The following TATDN1 variants were observed in gnomAD, a reference collection of about 807,000 sequenced individuals.
The protein encoded by TATDN1 is TatD DNase domain containing 1.
A neutral mutation model predicts 46.4 loss-of-function variants in TATDN1; 40 were observed. The observed-to-expected ratio is 0.86, with a 90% CI of 0.67 to 1.12. The LOEUF is 1.12. Ranked by LOEUF, TATDN1 falls within the 50% of genes most tolerant of loss-of-function variation. The pLI is 0.00. For missense variants in TATDN1, 326 were observed against 348.4 expected (o/e 0.94, Z 0.51); for synonymous variants, 95 against 105.6 (o/e 0.90, Z 0.62).
intron 1 of TATDN1, among the ~76,000 whole-genome samples, chr8:124,535,972 T>C (rs760854831): frequency 7.9e-5 from 12 of 152,272 alleles, no homozygotes; most frequent in East Asian, 1.9e-4. Flanking sequence ...CACCTCAACA[T>C]TGGAGAGCAA....
chr8:124,538,761 A>AGATGTTGAAAAC (rs1471336449), intron 1 of TATDN1, among the ~76,000 whole-genome samples: 1 of 152,176 alleles, frequency 6.6e-6, no homozygotes, highest in Admixed American at 6.5e-5. Context: ...AACTGAATAC[A>AGATGTTGAAAAC]TTACAGATGT....
In TATDN1 at chr8:124,488,561, C is replaced by T; in HGVS notation, c.*33G>A. On this transcript the variant is annotated 3_prime_UTR_variant, in exon 12 of 12. Coordinates refer to ENST00000276692, the MANE Select transcript of TATDN1 (RefSeq NM_032026.4). Reference sequence around the variant, plus strand: ...CAGGAAGTTTTACTATGAAATTTTACATACATGATGGAAAGTGGAAGACAT... The same window carrying T: ...CAGGAAGTTTTACTATGAAATTTTATATACATGATGGAAAGTGGAAGACAT... The T allele has an allele frequency of 2.6e-6, 3 of 1,138,182 alleles. No individual in the cohort carries two copies. Among genetic ancestry groups the T allele is most frequent in the African/African-American group, 1.6e-5 (1 of 63,688 alleles). The allele number at this position is 1,138,182 out of a possible 1,614,324, so 70.5% of individuals were successfully genotyped here. A position where few individuals can be genotyped will look rare whatever the true frequency, so the allele number is the denominator to read the frequency against.
Position 124,512,918 on chromosome 8 carries a change from C to CT in TATDN1, c.389+2827dup, listed in dbSNP as rs557807792. 2.7e-3 allele frequency among the ~76,000 whole-genome samples: 400 copies of CT among 149,280 alleles called. 1 individual carries two copies. Among genetic ancestry groups the CT allele is most frequent in the Admixed American group, 7.6e-3 (114 of 14,976 alleles). Reference sequence around the variant, plus strand: ...CAAAATGTGATTGTTACTAGTGTGTCTTTTTTTTTTCTTTTGAGCGGAATC... The same window carrying CT: ...CAAAATGTGATTGTTACTAGTGTGTCTTTTTTTTTTTCTTTTGAGCGGAATC... On this transcript the variant is annotated intron_variant, in intron 6 of 11. Transcript: ENST00000276692.
intron 8 of TATDN1, among the ~76,000 whole-genome samples, chr8:124,506,395 G>A (rs529828028): frequency 8.8e-4 from 133 of 151,046 alleles, no homozygotes; most frequent in African/African-American, 3.0e-3. Context: ...CAAATGGGCT[G>A]AGAGGTAGAG....
At chr8:124,505,879 A>C (rs1818362837) in intron 8 of TATDN1, among the ~76,000 whole-genome samples, 1 of 137,514 alleles carries the variant, frequency 7.3e-6, no homozygotes, top group African/African-American at 2.7e-5. Flanking sequence ...GCCCTCCATT[A>C]ATATCGAAAT....
chr8:124,497,282 C>CT (rs1428280608), intron 9 of TATDN1, among the ~76,000 whole-genome samples: 1 of 94,910 alleles, frequency 1.1e-5, no homozygotes, highest in Non-Finnish European at 2.9e-5. Flanking sequence ...TTCCTTCTTT[C>CT]TTCTTCTTTT....
At chr8:124,519,930 A>G (rs999044369) in intron 3 of TATDN1, among the ~76,000 whole-genome samples, 2 of 152,260 alleles carry the variant, frequency 1.3e-5, no homozygotes, top group Non-Finnish European at 2.9e-5. Context: ...TGATTCAAGT[A>G]TAATGATGTA....
rs57664367 is a variant in TATDN1, at chr8:124,537,193, C to T, written c.22+1832G>A. The stretch of plus-strand genomic sequence containing the variant: ...ACTTTCCCAAACAGTCATTGTACTA[C>T]GCCCCTAGGAAAAAAATATAAATAC... On this transcript the variant is annotated intron_variant, in intron 1 of 11. Coordinates refer to ENST00000276692, the MANE Select transcript of TATDN1 (RefSeq NM_032026.4). 5.9e-3 allele frequency among the ~76,000 whole-genome samples: 896 copies of T among 152,212 alleles called. 11 individuals carry two copies. Among genetic ancestry groups the T allele is most frequent in the African/African-American group, 0.021 (861 of 41,518 alleles).
intron 10 of TATDN1, chr8:124,494,507 G>GACTTT (rs1817288709): frequency 1.3e-5 from 2 of 152,310 alleles, no homozygotes; most frequent in South Asian, 4.1e-4. Flanking sequence ...ATGGTATAAG[G>GACTTT]AGAGCCTTGA....
At chr8:124,495,433 A>G (rs1039710493) in intron 10 of TATDN1, 39 bp downstream of exon 10, 3 of 1,487,026 alleles carry the variant, frequency 2.0e-6, no homozygotes, top group South Asian at 1.2e-5. Flanking sequence ...TTTGTTTGGT[A>G]TGGTTTAATA....
chr8:124,526,153 T>C (rs1217331956), intron 1 of TATDN1, among the ~76,000 whole-genome samples: 1 of 152,184 alleles, frequency 6.6e-6, no homozygotes, highest in Non-Finnish European at 1.5e-5. Flanking sequence ...AATCCCTGAT[T>C]AACCATTTTT....
At chr8:124,508,083 AACC>A (rs1188063563) in intron 8 of TATDN1, among the ~76,000 whole-genome samples, 2 of 152,234 alleles carry the variant, frequency 1.3e-5, no homozygotes, top group Non-Finnish European at 2.9e-5. Flanking sequence ...CATCCTTAAT[AACC>A]AAGATGCTTT....
chr8:124,494,180 CATT>C (rs999393057), intron 10 of TATDN1: 37 of 350,282 alleles, frequency 1.1e-4, no homozygotes, highest in Non-Finnish European at 1.5e-4. Context: ...TTTCTGCTAA[CATT>C]GTTGGTGTGC....
At position 124,519,426 on chromosome 8, in the gene TATDN1, T is replaced by G. The variant is rs529264793; in HGVS notation, c.139-545A>C. Among the ~76,000 whole-genome samples the G allele has an allele frequency of 1.2e-4, 19 of 152,336 alleles. No homozygotes were observed. In the South Asian group the frequency reaches 3.9e-3, roughly 32 times the overall value. On this transcript the variant is annotated intron_variant, in intron 3 of 11. Coordinates refer to ENST00000276692, the MANE Select transcript of TATDN1 (RefSeq NM_032026.4). ...CTGACTACAGAAAAAGATATGAAAA[T>G]TCAGCAGGCTTCTAGTAACACAGTC...
chr8:124,518,216 A>C (rs1371439565), intron 4 of TATDN1, among the ~76,000 whole-genome samples: 1 of 113,032 alleles, frequency 8.8e-6, no homozygotes, highest in Non-Finnish European at 1.8e-5. Context: ...TATCTCAAAA[A>C]AAAAAAAAAA....
chr8:124,536,977 T>A (rs749117193), intron 1 of TATDN1, among the ~76,000 whole-genome samples: 1 of 152,086 alleles, frequency 6.6e-6, no homozygotes, highest in Non-Finnish European at 1.5e-5. Context: ...TAGGGAAGGC[T>A]ATACTTCAAA....
intron 1 of TATDN1, among the ~76,000 whole-genome samples, chr8:124,526,119 A>G (rs1820476342): frequency 6.6e-6 from 1 of 152,154 alleles, no homozygotes; most frequent in East Asian, 1.9e-4. Flanking sequence ...TCACTAACCA[A>G]TGTTATTTCT....
Position 124,539,056 on chromosome 8 carries a change from T to A in TATDN1, c.-10A>T, listed in dbSNP as rs764990848. ...ACTTGAAGCGACTCATGACTGCGCATGGAGGACCTCCCCAGCGGAAGCGGA... is the reference window on the plus strand; with the variant it reads ...ACTTGAAGCGACTCATGACTGCGCAAGGAGGACCTCCCCAGCGGAAGCGGA... On this transcript the variant is annotated 5_prime_UTR_variant, in exon 1 of 12. The change abolishes an upstream ATG in the 5' untranslated region. Coordinates refer to ENST00000276692, the MANE Select transcript of TATDN1 (RefSeq NM_032026.4). 6.2e-7 allele frequency: 1 copy of A among 1,613,102 alleles called. No individual in the cohort carries two copies. Among genetic ancestry groups the A allele is most frequent in the African/African-American group, 1.3e-5 (1 of 75,030 alleles).
intron 9 of TATDN1, among the ~76,000 whole-genome samples, chr8:124,503,454 GTTAA>G (rs1050133730): frequency 4.1e-4 from 63 of 152,148 alleles, no homozygotes; most frequent in African/African-American, 1.3e-3. Context: ...TAATTTTAAA[GTTAA>G]TTAAACCATT....
Sources: allele counts gnomAD v4.1 joint callset (sites outside exome capture counted in the v4.1 genomes callset), GRCh38; gene constraint gnomAD v4.1.1; transcripts MANE v1.5; gene names NCBI Gene and HGNC (gene_info 2026-07-23, HGNC 2026-07-21).